The following ZNF536 variants were observed in gnomAD, a reference collection of about 807,000 sequenced individuals.
ZNF536 encodes zinc finger protein 536.
ZNF536 carries 13 observed loss-of-function variants against 84.5 expected under a neutral mutation model. That is an observed-to-expected ratio of 0.15 (90% CI 0.10 to 0.24). The LOEUF is 0.24. ZNF536 is among the 10% of genes least tolerant of loss of function. The probability of loss-of-function intolerance (pLI) is 1.00; values close to 1 mark genes in which losing one functional copy is unlikely to be tolerated. For synonymous variants in ZNF536, 811 were observed against 742.5 expected (o/e 1.09, Z -1.50); for missense variants, 1,536 against 1,747.5 (o/e 0.88, Z 2.16).
intron 2 of ZNF536, among the ~76,000 whole-genome samples, chr19:30,502,266 T>C (rs1665794535): frequency 6.6e-6 from 1 of 152,198 alleles, no homozygotes; most frequent in African/African-American, 2.4e-5. Flanking sequence ...CTATTAGACC[T>C]AGCTTTTCTG....
At chr19:30,499,717 C>A (rs559355259) in intron 2 of ZNF536, among the ~76,000 whole-genome samples, 270 of 152,332 alleles carry the variant, frequency 1.8e-3, no homozygotes, top group Middle Eastern at 3.4e-3. Flanking sequence ...GTTGTCTGGA[C>A]TTCTCCAGAC....
downstream of ZNF536, among the ~76,000 whole-genome samples, chr19:30,562,168 G>A (rs7255104): frequency 1.3e-3 from 204 of 152,174 alleles, no homozygotes; most frequent in African/African-American, 4.6e-3. Context: ...TGTCTGCTCC[G>A]GACCCTCTTA....
At chr19:30,455,029 A>G (rs1348182789) in intron 2 of ZNF536, among the ~76,000 whole-genome samples, 1 of 140,376 alleles carries the variant, frequency 7.1e-6, no homozygotes, top group Non-Finnish European at 1.6e-5. Flanking sequence ...GCAAAACTCC[A>G]TCTCAAAAAC....
intron 1 of ZNF536, among the ~76,000 whole-genome samples, chr19:30,641,439 A>G (rs772739030): frequency 4.6e-5 from 7 of 152,198 alleles, no homozygotes; most frequent in Non-Finnish European, 1.0e-4. Context: ...CATGTAATAT[A>G]TATGTGTAGT....
At chr19:30,503,908 CT>C (rs199656659) in intron 2 of ZNF536, among the ~76,000 whole-genome samples, 10 of 148,684 alleles carry the variant, frequency 6.7e-5, no homozygotes, top group Admixed American at 1.3e-4. Flanking sequence ...TTCTTTCTTT[CT>C]TTCTTCTCTC....
rs969251122 is a variant in ZNF536 at position 30,445,660 on chromosome 19, G to A, written c.2098G>A (p.Val700Ile). 1 of 1,609,516 alleles carries A rather than the reference G, an allele frequency of 6.2e-7. No homozygotes were observed. The highest frequency in any genetic ancestry group is 8.5e-7 in the Non-Finnish European group (1 of 1,177,778). Residue 700 changes from valine to isoleucine, a missense_variant, in exon 2 of 5, where the codon GTC becomes ATC. Val to Ile is a conservative substitution (Grantham distance 29). This residue lies in a region of ZNF536 where 148 missense variants were observed against 205.4 expected (regional missense o/e 0.72). Coordinates refer to ENST00000355537, the MANE Select transcript of ZNF536 (RefSeq NM_014717.3). The surrounding 1 kb of genome is among the most constrained non-coding windows in gnomAD (Gnocchi z 4.5). ...CTCTAACGTCACCGAGGAGAGCGGG[G>A]TCGGAGGCGGCCTCTCCCAGACCGG... Reference protein sequence around the residue: ...GSSNVTEESGVGGGLSQTGSA... With the variant: ...GSSNVTEESGIGGGLSQTGSA...
chr19:30,501,510 G>T (rs1039896616), intron 2 of ZNF536, among the ~76,000 whole-genome samples: 1 of 152,166 alleles, frequency 6.6e-6, no homozygotes, highest in African/African-American at 2.4e-5. Context: ...TTGTTTTTAT[G>T]CTGGTCTCCC....
chr19:30,249,785 T>C (rs2145050152), intron 1 of ZNF536, among the ~76,000 whole-genome samples: 1 of 152,316 alleles, frequency 6.6e-6, no homozygotes, highest in East Asian at 1.9e-4. Flanking sequence ...ATTGCCTTTT[T>C]GGGGAATGGA....
At chr19:30,545,278 C>T (rs2045496612) in intron 3 of ZNF536, among the ~76,000 whole-genome samples, 1 of 152,068 alleles carries the variant, frequency 6.6e-6, no homozygotes, top group Admixed American at 6.6e-5. Context: ...ACCCCAGACC[C>T]AGGGAATCAG....
intron 3 of ZNF536, among the ~76,000 whole-genome samples, chr19:30,541,038 G>A (rs2045309968): frequency 6.6e-6 from 1 of 152,198 alleles, no homozygotes; most frequent in African/African-American, 2.4e-5. Context: ...AACGGGGTGG[G>A]GGTGAGTGGG....
chr19:30,383,209 G>A (rs2049092341), intron 1 of ZNF536, among the ~76,000 whole-genome samples: 1 of 152,158 alleles, frequency 6.6e-6, no homozygotes, highest in African/African-American at 2.4e-5. Context: ...AGAATTGCTT[G>A]AACCCAGGAG....
intron 1 of ZNF536, among the ~76,000 whole-genome samples, chr19:30,653,303 T>C (rs2049778874): frequency 6.6e-6 from 1 of 152,036 alleles, no homozygotes; most frequent in Non-Finnish European, 1.5e-5. Flanking sequence ...ACACATTAGA[T>C]CTGGGTGTAG....
chr19:30,377,404 C>T (rs1321395282), intron 1 of ZNF536, among the ~76,000 whole-genome samples: 4 of 152,084 alleles, frequency 2.6e-5, no homozygotes, highest in African/African-American at 2.4e-5. Context: ...AAAGAGGTAC[C>T]GATCCAGACC....
At chr19:30,484,396 T>C (rs1599542102) in intron 2 of ZNF536, among the ~76,000 whole-genome samples, 2 of 148,784 alleles carry the variant, frequency 1.3e-5, no homozygotes, top group East Asian at 3.9e-4. Flanking sequence ...CCAGCTTTTT[T>C]TTTTTTTTTT....
chr19:30,282,429 T>G (rs1052575725), intron 1 of ZNF536, among the ~76,000 whole-genome samples: 11 of 152,176 alleles, frequency 7.2e-5, no homozygotes, highest in African/African-American at 2.7e-4. Flanking sequence ...GAGACGGTGT[T>G]CTGATCAATG....
chr19:30,325,674 T>C (rs769157863), intron 2 of ZNF536, among the ~76,000 whole-genome samples: 2 of 152,206 alleles, frequency 1.3e-5, no homozygotes, highest in Non-Finnish European at 2.9e-5. Context: ...GAACCTTAGA[T>C]ATGCCAAGTC....
intron 1 of ZNF536, among the ~76,000 whole-genome samples, chr19:30,388,083 G>A (rs1807530666): frequency 6.6e-6 from 1 of 152,170 alleles, no homozygotes; most frequent in East Asian, 1.9e-4. Context: ...AAGAGGTGCT[G>A]ATTTGGCCAG....
At chr19:30,707,134 GCT>G (rs2052272887) in intron 1 of ZNF536, among the ~76,000 whole-genome samples, 1 of 152,092 alleles carries the variant, frequency 6.6e-6, no homozygotes, top group African/African-American at 2.4e-5. Flanking sequence ...AATCTTGGGG[GCT>G]CTGTGTTGTC....
At chr19:30,701,989 C>T (rs920781806) in intron 1 of ZNF536, among the ~76,000 whole-genome samples, 2 of 152,138 alleles carry the variant, frequency 1.3e-5, no homozygotes, top group Non-Finnish European at 2.9e-5. Flanking sequence ...CTCTTCTCTC[C>T]CCACTCTCTT....
Sources: allele counts gnomAD v4.1 joint callset (sites outside exome capture counted in the v4.1 genomes callset), GRCh38; gene constraint gnomAD v4.1.1; regional missense constraint gnomAD v4.1.1; non-coding constraint Gnocchi (gnomAD v3.1); transcripts MANE v1.5; gene names NCBI Gene and HGNC (gene_info 2026-07-23, HGNC 2026-07-21).